The following NIN variants were observed in gnomAD, a reference collection of about 807,000 sequenced individuals.
NIN encodes the protein glycogen synthase kinase 3 beta-interacting protein.
Under a neutral mutation model 257.6 loss-of-function variants are expected in NIN, and 137 were observed. That is an observed-to-expected ratio of 0.53 (90% CI 0.46 to 0.61). NIN has a LOEUF of 0.61. Among genes scored for constraint, NIN ranks in the 20% least tolerant of loss-of-function variants. The probability of loss-of-function intolerance (pLI) is 0.00; values close to 1 mark genes in which losing one functional copy is unlikely to be tolerated. For missense variants in NIN, 2,439 were observed against 2,501.2 expected (o/e 0.98, Z 0.53); for synonymous variants, 918 against 919.8 (o/e 1.00, Z 0.04).
chr14:50,797,025 T>G (rs184640081), intron 4 of NIN, among the ~76,000 whole-genome samples: 1 of 152,352 alleles, frequency 6.6e-6, no homozygotes, highest in East Asian at 1.9e-4. Context: ...ATTGAATGCT[T>G]TCTTTGCAAA....
At chr14:50,808,213 A>T (rs1434347276) in intron 3 of NIN, among the ~76,000 whole-genome samples, 1 of 152,124 alleles carries the variant, frequency 6.6e-6, no homozygotes, top group African/African-American at 2.4e-5. Flanking sequence ...AGGCTATGTT[A>T]ATTAGGTTTC....
intron 3 of NIN, among the ~76,000 whole-genome samples, chr14:50,808,529 C>T (rs1466945848): frequency 1.3e-5 from 2 of 152,200 alleles, no homozygotes; most frequent in African/African-American, 2.4e-5. Context: ...GGAGACATTA[C>T]GAAGCCTCTC....
At chr14:50,776,927 T>C in intron 7 of NIN, 22 bp downstream of exon 7, 31 of 1,594,614 alleles carry the variant, frequency 1.9e-5, no homozygotes, top group Non-Finnish European at 2.7e-5. Context: ...TTATCATTCC[T>C]GAATTATACT....
At chr14:50,830,176 C>A (rs1480812478) in intron 2 of NIN, among the ~76,000 whole-genome samples, 3 of 152,246 alleles carry the variant, frequency 2.0e-5, no homozygotes, top group Admixed American at 6.5e-5. Context: ...GGAACCACCA[C>A]CCCTTCTGCT....
chr14:50,730,931 A>G lies in NIN; in HGVS notation c.5878-1208T>C, dbSNP rs774350873. The G allele has an allele frequency of 3.1e-5, 42 of 1,346,952 alleles. 1 individual carries two copies. The Admixed American group carries it at 7.9e-4, about 25-fold the overall frequency. The allele number at this position is 1,346,952 out of a possible 1,614,324, so 83.4% of individuals were successfully genotyped here. On this transcript the variant is annotated intron_variant, in intron 28 of 30. Transcript: ENST00000530997. ...GAAAGAGAATGTTCTACCTTCACAC[A>G]CTATCTCAGGCAGAGAACTGCACCC...
chr14:50,730,143 A>G (rs1402083776), intron 28 of NIN, among the ~76,000 whole-genome samples: 1 of 152,190 alleles, frequency 6.6e-6, no homozygotes, highest in Non-Finnish European at 1.5e-5. Flanking sequence ...TTCAATGACT[A>G]TATTTTTTCC....
At position 50,764,294 on chromosome 14, in the gene NIN, A is replaced by G. The variant is rs562368109; in HGVS notation, c.1636-330T>C. 1.1e-4 allele frequency among the ~76,000 whole-genome samples: 17 copies of G among 152,360 alleles called. No homozygotes were observed. The East Asian group carries it at 3.3e-3, about 29-fold the overall frequency. On this transcript the variant is annotated intron_variant, in intron 14 of 30. Coordinates refer to ENST00000530997, the MANE Select transcript of NIN (RefSeq NM_020921.4). Reference sequence around the variant, plus strand: ...ATTACCTATCAGGGAAATACAAATCAAAGCCACAATAAGATACCATTTCAC... The same window carrying G: ...ATTACCTATCAGGGAAATACAAATCGAAGCCACAATAAGATACCATTTCAC...
chr14:50,728,624 G>A (rs939043200), intron 29 of NIN, among the ~76,000 whole-genome samples: 6 of 152,162 alleles, frequency 3.9e-5, no homozygotes, highest in African/African-American at 2.4e-5. Context: ...ACACACAAGC[G>A]CATGCAAACC....
chr14:50,788,107 T>C (rs1201177076), intron 5 of NIN, among the ~76,000 whole-genome samples: 3 of 152,286 alleles, frequency 2.0e-5, no homozygotes, highest in Non-Finnish European at 2.9e-5. Context: ...ACAATTTATG[T>C]TGGGGCTTTA....
chr14:50,770,332 T>G (rs2042678865), intron 12 of NIN, 56 bp downstream of exon 12: 1 of 1,549,066 alleles, frequency 6.5e-7, no homozygotes, highest in African/African-American at 1.4e-5. Flanking sequence ...AAGCTGTAGT[T>G]TTCCACGTGG....
intron 28 of NIN, among the ~76,000 whole-genome samples, chr14:50,731,586 A>G (rs1417057060): frequency 6.6e-6 from 1 of 151,664 alleles, no homozygotes; most frequent in African/African-American, 2.4e-5. Flanking sequence ...CTGTAATCCC[A>G]GCACTCTGGG....
chr14:50,793,922 T>G (rs887216031), intron 4 of NIN, among the ~76,000 whole-genome samples: 2 of 152,266 alleles, frequency 1.3e-5, no homozygotes, highest in African/African-American at 4.8e-5. Flanking sequence ...ATTTCTGTTG[T>G]CTTGCTGTCC....
At chr14:50,809,567 G>A (rs868107766) in intron 3 of NIN, among the ~76,000 whole-genome samples, 33 of 152,216 alleles carry the variant, frequency 2.2e-4, no homozygotes, top group Non-Finnish European at 2.9e-4. Flanking sequence ...ACTTGACTCT[G>A]TGAGTCTCCC....
intron 12 of NIN, among the ~76,000 whole-genome samples, chr14:50,768,314 C>G (rs1001968278): frequency 1.1e-4 from 17 of 152,108 alleles, no homozygotes; most frequent in African/African-American, 4.1e-4. Context: ...TAACATTAAT[C>G]TTTCAAAGTA....
Position 50,724,777 on chromosome 14 carries a change from G to C in NIN, c.6193-1105C>G, listed in dbSNP as rs555549215. 1.6e-4 allele frequency among the ~76,000 whole-genome samples: 24 copies of C among 151,408 alleles called. 1 individual carries two copies. The South Asian group carries it at 4.8e-3, about 30-fold the overall frequency. ...ACTCCATGATGTTCCCACAGCCTAG[G>C]ATACCCTTCCCCACACTTTCTTAAC... On this transcript the variant is annotated intron_variant, in intron 30 of 30. Transcript: ENST00000530997.
At chr14:50,777,535 A>G (rs1190608396) in intron 6 of NIN, among the ~76,000 whole-genome samples, 1 of 152,190 alleles carries the variant, frequency 6.6e-6, no homozygotes, top group Non-Finnish European at 1.5e-5. Flanking sequence ...AGAATGTATT[A>G]CCTCCACTTT....
chr14:50,821,815 A>C, intron 3 of NIN, 59 bp downstream of exon 3: 4 of 1,379,824 alleles, frequency 2.9e-6, no homozygotes, highest in Non-Finnish European at 4.1e-6. Context: ...CCCCACCCCC[A>C]GCACCCCGGC....
At chr14:50,735,278 C>A (rs2040919367) in intron 28 of NIN, among the ~76,000 whole-genome samples, 1 of 152,124 alleles carries the variant, frequency 6.6e-6, no homozygotes, top group South Asian at 2.1e-4. Context: ...AGGTACAGGT[C>A]TTTGCATTTT....
intron 8 of NIN, 106 bp from the exon 9 acceptor site, chr14:50,772,574 T>C (rs915858523): frequency 2.3e-5 from 23 of 979,796 alleles, no homozygotes; most frequent in Middle Eastern, 3.2e-4. Flanking sequence ...TTCTCTAATA[T>C]ACAGTGCCAG....
Sources: allele counts gnomAD v4.1 joint callset (sites outside exome capture counted in the v4.1 genomes callset), GRCh38; gene constraint gnomAD v4.1.1; transcripts MANE v1.5; gene names NCBI Gene and HGNC (gene_info 2026-07-23, HGNC 2026-07-21).